The following DLGAP1 variants were observed in gnomAD, a reference collection of about 807,000 sequenced individuals.
DLGAP1 encodes disks large-associated protein 1.
Under a neutral mutation model 90.8 loss-of-function variants are expected in DLGAP1, and 11 were observed. The ratio of observed to expected loss-of-function variants is 0.12; its 90% CI spans 0.08 to 0.20. The LOEUF is 0.20. Among genes scored for constraint, DLGAP1 ranks in the 10% least tolerant of loss-of-function variants. DLGAP1 has a pLI of 1.00. For missense variants in DLGAP1, 1,050 were observed against 1,333.8 expected (o/e 0.79, Z 3.31); for synonymous variants, 558 against 540.7 (o/e 1.03, Z -0.44).
intron 3 of DLGAP1, among the ~76,000 whole-genome samples, chr18:3,994,260 C>T (rs1329488927): frequency 6.6e-6 from 1 of 152,208 alleles, no homozygotes; most frequent in Non-Finnish European, 1.5e-5. Flanking sequence ...GCAATCTGCC[C>T]CTCTGCGATG....
intron 7 of DLGAP1, among the ~76,000 whole-genome samples, chr18:3,717,078 C>T (rs1256573807): frequency 1.1e-5 from 1 of 91,626 alleles, no homozygotes; most frequent in East Asian, 3.1e-4. Flanking sequence ...AAATTCAAAA[C>T]AAGGAAGAGA....
chr18:3,757,562 T>C (rs1350091108), intron 5 of DLGAP1, among the ~76,000 whole-genome samples: 1 of 152,180 alleles, frequency 6.6e-6, no homozygotes, highest in Non-Finnish European at 1.5e-5. Flanking sequence ...AAGTCAGACA[T>C]ACTTCAGGAA....
intron 4 of DLGAP1, among the ~76,000 whole-genome samples, chr18:3,819,719 C>T (rs967530159): frequency 4.6e-5 from 7 of 151,810 alleles, no homozygotes; most frequent in Admixed American, 3.3e-4. Context: ...GTGACACTGC[C>T]CAAGCTGAGG....
intron 2 of DLGAP1, among the ~76,000 whole-genome samples, chr18:4,014,368 GC>G (rs2074484687): frequency 6.6e-6 from 1 of 152,128 alleles, no homozygotes; most frequent in Non-Finnish European, 1.5e-5. Flanking sequence ...GACAAGTCCA[GC>G]CATCCTTATC....
intron 1 of DLGAP1, among the ~76,000 whole-genome samples, chr18:4,278,815 C>T (rs2079480806): frequency 6.6e-6 from 1 of 152,066 alleles, no homozygotes; most frequent in Non-Finnish European, 1.5e-5. Flanking sequence ...CGTATCTTTG[C>T]TACTGTGAAC....
chr18:4,099,296 C>CATCT (rs35397168), intron 2 of DLGAP1, among the ~76,000 whole-genome samples: 2,371 of 144,008 alleles, frequency 0.016, 17 homozygotes, highest in Middle Eastern at 0.028. Flanking sequence ...ATCTGTCTAT[C>CATCT]ATCTATCTAT....
chr18:4,446,703 T>C (rs11872515), intron 1 of DLGAP1, among the ~76,000 whole-genome samples: 6,656 of 152,222 alleles, frequency 0.044, 489 homozygotes, highest in African/African-American at 0.15. Context: ...CTATTTTAAA[T>C]TTAAACATAA....
chr18:4,341,365 C>G (rs2081184339), intron 1 of DLGAP1, among the ~76,000 whole-genome samples: 1 of 151,986 alleles, frequency 6.6e-6, no homozygotes, highest in African/African-American at 2.4e-5. Context: ...CACCTCTTAA[C>G]AAATTAATAA....
At chr18:3,865,234 A>C (rs2070313581) in intron 4 of DLGAP1, among the ~76,000 whole-genome samples, 1 of 152,192 alleles carries the variant, frequency 6.6e-6, no homozygotes, top group South Asian at 2.1e-4. Flanking sequence ...GACAGTGCAT[A>C]TTTGTCCGTA....
At chr18:4,282,465 CATATT>C (rs1385935938) in intron 1 of DLGAP1, among the ~76,000 whole-genome samples, 41 of 151,346 alleles carry the variant, frequency 2.7e-4, no homozygotes, top group African/African-American at 9.0e-4. Flanking sequence ...GATAATAACA[CATATT>C]ATAATACATA....
At position 3,749,760 on chromosome 18, in the gene DLGAP1, A is replaced by G. The variant is rs141532035; in HGVS notation, c.1173-7248T>C. Among the ~76,000 whole-genome samples the G allele has an allele frequency of 1.7e-3, 263 of 152,236 alleles. 1 individual carries two copies. The highest frequency in any genetic ancestry group is 5.8e-3 in the African/African-American group (243 of 41,542). On this transcript the variant is annotated intron_variant, in intron 5 of 12. Coordinates refer to ENST00000315677, the MANE Select transcript of DLGAP1 (RefSeq NM_004746.4). ...TACCAAAAAATTGTCATGAACCCCA[A>G]ATGAACACATACCTTTCTCCTCAAA...
At chr18:4,186,558 T>C (rs1317546313) in intron 1 of DLGAP1, among the ~76,000 whole-genome samples, 2 of 152,204 alleles carry the variant, frequency 1.3e-5, no homozygotes, top group Admixed American at 1.3e-4. Flanking sequence ...TTTGTTTTTA[T>C]CATCTTTGTC....
chr18:3,851,865 GA>G (rs578088541), intron 4 of DLGAP1, among the ~76,000 whole-genome samples: 4 of 152,112 alleles, frequency 2.6e-5, no homozygotes, highest in Non-Finnish European at 4.4e-5. Context: ...AGAACTCAGG[GA>G]AGAAATGAGA....
chr18:3,605,485 A>G (rs1486642756), intron 7 of DLGAP1, among the ~76,000 whole-genome samples: 1 of 152,252 alleles, frequency 6.6e-6, no homozygotes, highest in Non-Finnish European at 1.5e-5. Context: ...TTTGCTGCCT[A>G]CAAACCAATT....
At chr18:3,978,263 C>G (rs1449308229) in intron 3 of DLGAP1, 1 of 408,250 alleles carries the variant, frequency 2.4e-6, no homozygotes, top group East Asian at 6.8e-5. Context: ...AGGTGATGAC[C>G]CTTTTGGTAC....
At chr18:4,222,270 A>T (rs2078092975) in intron 1 of DLGAP1, among the ~76,000 whole-genome samples, 1 of 152,140 alleles carries the variant, frequency 6.6e-6, no homozygotes, top group Non-Finnish European at 1.5e-5. Flanking sequence ...CCCAAACATA[A>T]TGCTTAACCA....
At chr18:3,987,865 T>C (rs1456901732) in intron 3 of DLGAP1, among the ~76,000 whole-genome samples, 1 of 152,230 alleles carries the variant, frequency 6.6e-6, no homozygotes, top group African/African-American at 2.4e-5. Context: ...ACTATGTATG[T>C]ACTTTCTCTG....
chr18:3,788,573 C>A (rs1335637577), intron 5 of DLGAP1, among the ~76,000 whole-genome samples: 1 of 152,108 alleles, frequency 6.6e-6, no homozygotes, highest in East Asian at 1.9e-4. Flanking sequence ...GTTCATCTGG[C>A]AAATGGGAAA....
chr18:3,578,900 A>G (rs1298259977), intron 8 of DLGAP1, among the ~76,000 whole-genome samples: 1 of 152,188 alleles, frequency 6.6e-6, no homozygotes, highest in Non-Finnish European at 1.5e-5. Context: ...AGCAGTGTAC[A>G]ATGATTAGAG....
Sources: gnomAD v4.1 joint callset for allele counts (sites outside exome capture counted in the v4.1 genomes callset) on GRCh38, gnomAD v4.1.1 for gene constraint, MANE v1.5 for transcripts, NCBI Gene and HGNC (gene_info 2026-07-23, HGNC 2026-07-21) for gene names.